Variants in FREM3 observed in about 807,000 individuals in gnomAD.
FREM3 encodes FRAS1-related extracellular matrix protein 3.
A neutral mutation model predicts 129.1 loss-of-function variants in FREM3; 105 were observed. That is an observed-to-expected ratio of 0.81 (90% CI 0.69 to 0.96). FREM3 has a LOEUF of 0.96. Among genes scored for constraint, FREM3 ranks in the 40% least tolerant of loss-of-function variants. FREM3 has a pLI of 0.00. For missense variants in FREM3, 2,593 were observed against 2,666.3 expected (o/e 0.97, Z 0.61); for synonymous variants, 1,014 against 1,044.9 (o/e 0.97, Z 0.57).
At chr4:143,615,630 A>C (rs939914300) in intron 5 of FREM3, among the ~76,000 whole-genome samples, 1 of 152,158 alleles carries the variant, frequency 6.6e-6, no homozygotes. Context: ...AGTAAAAAAC[A>C]ACTAGAAAAA....
At chr4:143,628,796 C>T (rs971136164) in intron 2 of FREM3, among the ~76,000 whole-genome samples, 2 of 152,160 alleles carry the variant, frequency 1.3e-5, no homozygotes, top group African/African-American at 4.8e-5. Context: ...CTTCAGTGAA[C>T]CTCCTGGAGA....
intron 2 of FREM3, among the ~76,000 whole-genome samples, chr4:143,639,950 C>A (rs1739295213): frequency 6.6e-6 from 1 of 152,150 alleles, no homozygotes; most frequent in South Asian, 2.1e-4. Flanking sequence ...TCTCTACAGT[C>A]TGGATCCTTT....
rs948035260 is a variant in FREM3, at chr4:143,624,386, G to A, written c.5423-48C>T. On this transcript the variant is annotated intron_variant, in intron 3 of 7. Transcript: ENST00000329798. The stretch of plus-strand genomic sequence containing the variant: ...TAAATATAAAGCCAAGTGACTGAAG[G>A]CATAGTCTCCTTTCAAAGTGGTTTC... 3 of 1,147,910 alleles carry A rather than the reference G, an allele frequency of 2.6e-6. No homozygotes were observed. In the African/African-American group the frequency reaches 4.7e-5, roughly 18 times the overall value. 71.1% of individuals were successfully genotyped at this position (1,147,910 alleles called of 1,614,324 possible).
intron 2 of FREM3, among the ~76,000 whole-genome samples, chr4:143,643,159 C>A (rs191622781): frequency 7.9e-4 from 120 of 152,124 alleles, no homozygotes; most frequent in African/African-American, 2.7e-3. Flanking sequence ...ACACTTACTG[C>A]TGGTAGGAAT....
rs1370934361 is a variant in FREM3 at position 143,699,647 on chromosome 4, C to T, written c.1029G>A (p.Val343=). ...GAGTGGGGGCGTTCAGAATGTTGAA[C>T]ACCAGGTCACCAGGGTCTGACTCGA... ...EDVESDPGDL[V]FNILNAPTHP... is the part of the protein sequence containing the mutation. The change falls in exon 1 of 8, where the codon GTG becomes GTA. Residue 343 remains valine, a synonymous_variant. Coordinates refer to ENST00000329798, the MANE Select transcript of FREM3 (RefSeq NM_001168235.2). This position sits in a 1 kb window ranked among gnomAD's most constrained non-coding sequence, Gnocchi z 4.2. 6.5e-7 allele frequency: 1 copy of T among 1,530,078 alleles called. No homozygotes were observed. The highest frequency in any genetic ancestry group is 8.8e-7 in the Non-Finnish European group (1 of 1,142,668). The allele number at this position is 1,530,078 out of a possible 1,614,324, so 94.8% of individuals were successfully genotyped here.
At chr4:143,624,422 A>G (rs1226239007) in intron 3 of FREM3, 84 bp from the exon 4 acceptor site, 1 of 757,816 alleles carries the variant, frequency 1.3e-6, no homozygotes, top group African/African-American at 1.8e-5. Flanking sequence ...TATTGTTAAC[A>G]AAAGTAGATA....
chr4:143,657,389 T>C (rs755593717), intron 2 of FREM3, among the ~76,000 whole-genome samples: 1 of 152,220 alleles, frequency 6.6e-6, no homozygotes, highest in Non-Finnish European at 1.5e-5. Context: ...AATAGCATTC[T>C]CAGAATTTTA....
chr4:143,656,670 G>GGAAATGGAAATGA (rs1560859883), intron 2 of FREM3, among the ~76,000 whole-genome samples: 1 of 152,042 alleles, frequency 6.6e-6, no homozygotes, highest in Admixed American at 6.6e-5. Flanking sequence ...GAGGGGTGGC[G>GGAAATGGAAATGA]GAAATGGAAA....
At chr4:143,680,618 T>A (rs1740232251) in intron 2 of FREM3, among the ~76,000 whole-genome samples, 1 of 152,238 alleles carries the variant, frequency 6.6e-6, no homozygotes, top group South Asian at 2.1e-4. Flanking sequence ...TTCTTACCAC[T>A]GTTTTTATTT....
intron 2 of FREM3, among the ~76,000 whole-genome samples, chr4:143,692,585 G>A (rs1560874841): frequency 6.6e-6 from 1 of 152,118 alleles, no homozygotes; most frequent in Non-Finnish European, 1.5e-5. Context: ...GAAGTTAATA[G>A]TAGACAGACC....
At chr4:143,664,739 A>T (rs1739819390) in intron 2 of FREM3, among the ~76,000 whole-genome samples, 1 of 152,138 alleles carries the variant, frequency 6.6e-6, no homozygotes, top group African/African-American at 2.4e-5. Flanking sequence ...GGTGGGCTCC[A>T]CCCAGTTCGA....
intron 2 of FREM3, among the ~76,000 whole-genome samples, chr4:143,639,958 T>C (rs555976117): frequency 6.6e-6 from 1 of 152,262 alleles, no homozygotes; most frequent in East Asian, 1.9e-4. Context: ...GTCTGGATCC[T>C]TTCTACCTCT....
intron 2 of FREM3, among the ~76,000 whole-genome samples, chr4:143,661,802 C>G (rs1242971133): frequency 6.6e-6 from 1 of 152,138 alleles, no homozygotes; most frequent in Non-Finnish European, 1.5e-5. Flanking sequence ...TCAACTTCAT[C>G]CTGGTTTAGT....
chr4:143,594,738 G>C lies in FREM3; in HGVS notation c.6029-8745C>G, dbSNP rs1308610993. On this transcript the variant is annotated intron_variant, in intron 6 of 7. Coordinates refer to ENST00000329798, the MANE Select transcript of FREM3 (RefSeq NM_001168235.2). ...AGATATAAGACATGAGAGGAGGGTA[G>C]TGTCACTTGGAAAAAATGTCATGAA... Among the ~76,000 whole-genome samples the C allele has an allele frequency of 8.5e-5, 13 of 152,270 alleles. 1 individual carries two copies. In the South Asian group the frequency reaches 2.1e-3, roughly 24 times the overall value.
intron 1 of FREM3, among the ~76,000 whole-genome samples, chr4:143,694,015 A>G (rs1740521816): frequency 1.3e-5 from 2 of 152,178 alleles, no homozygotes; most frequent in African/African-American, 4.8e-5. Flanking sequence ...GGGTAGGAGG[A>G]AGGAGCAGAG....
rs541143373 is a variant in FREM3 at position 143,666,348 on chromosome 4, C to G, written c.5275+26765G>C. On this transcript the variant is annotated intron_variant, in intron 2 of 7. Transcript: ENST00000329798. Reference sequence around the variant, plus strand: ...GCAGTTTCTAAAAAAGCTAAACATACAATTATTGAATGAGATACAGAAATT... The same window carrying G: ...GCAGTTTCTAAAAAAGCTAAACATAGAATTATTGAATGAGATACAGAAATT... Among the ~76,000 whole-genome samples the G allele has an allele frequency of 2.2e-4, 33 of 152,168 alleles. No individual in the cohort carries two copies. The South Asian group carries it at 6.7e-3, about 31-fold the overall frequency.
At chr4:143,602,782 A>G (rs770731942) in intron 6 of FREM3, among the ~76,000 whole-genome samples, 5 of 152,184 alleles carry the variant, frequency 3.3e-5, no homozygotes, top group Non-Finnish European at 7.3e-5. Context: ...TCCTGTATTT[A>G]AAGGAAAATG....
chr4:143,691,379 C>G (rs1042413887), intron 2 of FREM3, among the ~76,000 whole-genome samples: 5 of 151,532 alleles, frequency 3.3e-5, no homozygotes, highest in African/African-American at 1.2e-4. Context: ...ACTCATGTAA[C>G]CAAACACCAC....
At position 143,697,943 on chromosome 4, in the gene FREM3, G is replaced by T. The variant is rs1340913944; in HGVS notation, c.2733C>A (p.Thr911=). 7.8e-6 allele frequency: 12 copies of T among 1,537,728 alleles called. No individual in the cohort carries two copies. The Admixed American group carries it at 2.4e-4, about 30-fold the overall frequency. ...SYQHGRDQTT[T]SDTFHLEVSD... ...TTACTTCCAGATGGAAAGTGTCACT[G>T]GTAGTCGTCTGGTCTCTGCCATGCT... Residue 911 remains threonine (T), a synonymous_variant, in exon 1 of 8, where the codon ACC becomes ACA. Transcript: ENST00000329798.
Sources: gnomAD v4.1 joint callset for allele counts (sites outside exome capture counted in the v4.1 genomes callset) on GRCh38, gnomAD v4.1.1 for gene constraint, Gnocchi (gnomAD v3.1) non-coding constraint, MANE v1.5 for transcripts, NCBI Gene and HGNC (gene_info 2026-07-23, HGNC 2026-07-21) for gene names.